TCP11L1: variants seen among roughly 807,000 people sequenced by gnomAD.
TCP11L1 encodes T-complex protein 11-like protein 1.
Under a neutral mutation model 48.9 loss-of-function variants are expected in TCP11L1, and 28 were observed. The observed-to-expected ratio is 0.57, with a 90% CI of 0.42 to 0.78. The LOEUF is 0.78. Among genes scored for constraint, TCP11L1 ranks in the 30% least tolerant of loss-of-function variants. The pLI is 0.00. For synonymous variants in TCP11L1, 204 were observed against 231.9 expected, an observed-to-expected ratio of 0.88 and a Z score of 1.09; for missense variants, 505 against 613.4, an observed-to-expected ratio of 0.82 and a Z score of 1.87.
At chr11:33,043,720 G>C (rs1853904899) in intron 1 of TCP11L1, 30 bp from the exon 2 acceptor site, 1 of 1,555,836 alleles carries the variant, frequency 6.4e-7, no homozygotes, top group East Asian at 2.3e-5. Flanking sequence ...AATACTTTTA[G>C]TTCTTTTTTT....
chr11:33,065,572 A>C (rs546289718), intron 7 of TCP11L1, among the ~76,000 whole-genome samples: 1 of 152,290 alleles, frequency 6.6e-6, no homozygotes, highest in South Asian at 2.1e-4. Flanking sequence ...CGGGGAGGTC[A>C]TGGTATTAAG....
intron 2 of TCP11L1, among the ~76,000 whole-genome samples, chr11:33,044,367 T>G (rs965220834): frequency 6.6e-6 from 1 of 152,208 alleles, no homozygotes; most frequent in Non-Finnish European, 1.5e-5. Flanking sequence ...TCCCACAAGC[T>G]TGAGGGGATT....
intron 9 of TCP11L1, among the ~76,000 whole-genome samples, chr11:33,070,507 GA>G (rs1259872262): frequency 6.6e-6 from 1 of 151,878 alleles, no homozygotes; most frequent in Non-Finnish European, 1.5e-5. Flanking sequence ...CCAACATGTA[GA>G]AACTCCGCCT....
At chr11:33,070,022 C>G (rs1270003413) in intron 9 of TCP11L1, among the ~76,000 whole-genome samples, 2 of 151,934 alleles carry the variant, frequency 1.3e-5, no homozygotes, top group African/African-American at 2.4e-5. Flanking sequence ...AGCCAGTTAC[C>G]GACAGATTGA....
chr11:33,043,190 G>T (rs1465895568), intron 1 of TCP11L1, among the ~76,000 whole-genome samples: 1 of 152,002 alleles, frequency 6.6e-6, no homozygotes, highest in Admixed American at 6.6e-5. Context: ...AGCTGAGATT[G>T]CCCCATTGCA....
At chr11:33,062,867 T>A (rs527635815) in intron 7 of TCP11L1, among the ~76,000 whole-genome samples, 27 of 152,376 alleles carry the variant, frequency 1.8e-4, no homozygotes, top group Middle Eastern at 3.4e-3. Context: ...CTGGGTTTTT[T>A]AAAATTTTTT....
chr11:33,062,146 T>C (rs956152353), intron 7 of TCP11L1, among the ~76,000 whole-genome samples: 3 of 152,212 alleles, frequency 2.0e-5, no homozygotes, highest in Non-Finnish European at 4.4e-5. Context: ...TATTCTGATA[T>C]AATTCATGTA....
At chr11:33,043,990 G>A (rs922995845) in intron 2 of TCP11L1, 54 bp downstream of exon 2, 24 of 1,504,144 alleles carry the variant, frequency 1.6e-5, no homozygotes, top group African/African-American at 1.4e-4. Flanking sequence ...TTCAGGTGAC[G>A]GTTTTATGAG....
Position 33,054,624 on chromosome 11 carries a change from A to C in TCP11L1, c.195A>C (p.Glu65Asp). 1 of 1,613,532 alleles carries C rather than the reference A, an allele frequency of 6.2e-7. No homozygotes were observed. The highest frequency in any genetic ancestry group is 8.5e-7 in the Non-Finnish European group (1 of 1,179,832). ...SSPPRFVTVE[E>D]LLETARGVTN... Reference sequence around the variant, plus strand: ...CTCCTCGCTTTGTGACAGTAGAAGAACTTCTAGAGACAGCGAGAGGTGTCA... The same window carrying C: ...CTCCTCGCTTTGTGACAGTAGAAGACCTTCTAGAGACAGCGAGAGGTGTCA... Residue 65 changes from glutamate to aspartate, a missense_variant, in exon 3 of 10, where the codon GAA becomes GAC. Glu to Asp is a conservative substitution (Grantham distance 45). Around this residue, in one of 3 missense-constraint regions of TCP11L1, gnomAD observed 168 missense variants for 183.5 expected, o/e 0.92. Transcript: ENST00000334274.
At chr11:33,049,287 G>GTGA (rs1854089037) in intron 2 of TCP11L1, among the ~76,000 whole-genome samples, 1 of 151,520 alleles carries the variant, frequency 6.6e-6, no homozygotes, top group South Asian at 2.1e-4. Context: ...AGGACTTGAT[G>GTGA]TGATGTATTT....
intron 7 of TCP11L1, among the ~76,000 whole-genome samples, chr11:33,063,145 G>C (rs956662290): frequency 2.0e-5 from 3 of 152,204 alleles, no homozygotes; most frequent in Non-Finnish European, 4.4e-5. Flanking sequence ...TTACAGGCAT[G>C]AGCTACCATG....
At chr11:33,053,914 C>G (rs2133712133) in intron 2 of TCP11L1, among the ~76,000 whole-genome samples, 2 of 152,252 alleles carry the variant, frequency 1.3e-5, no homozygotes, top group South Asian at 4.1e-4. Context: ...ACTGCAGGTT[C>G]AAGCGATCCT....
intron 8 of TCP11L1, among the ~76,000 whole-genome samples, 181 bp downstream of exon 8, chr11:33,066,192 A>G (rs967058856): frequency 7.9e-5 from 12 of 152,162 alleles, no homozygotes; most frequent in Non-Finnish European, 1.6e-4. Context: ...ATTTAGGGTC[A>G]TAGGGTCAAA....
chr11:33,068,704 A>G lies in TCP11L1; in HGVS notation c.1172A>G (p.Asp391Gly), dbSNP rs770432165. Residue 391 changes from aspartate to glycine, a missense_variant, in exon 9 of 10, where the codon GAC (aspartate) becomes GGC (glycine). This residue lies in a region of TCP11L1 where 335 missense variants were observed against 413.3 expected (regional missense o/e 0.81). Transcript: ENST00000334274. ...TGCCCCAGCTCCTTCCATCTGAAGGACGTCCTCACTACCATCGGGGAGAAG... is the reference window on the plus strand; with the variant it reads ...TGCCCCAGCTCCTTCCATCTGAAGGGCGTCCTCACTACCATCGGGGAGAAG... ...DMHLPSFHLK[D>G]VLTTIGEKVC... 11 of 1,613,828 alleles carry G rather than the reference A, an allele frequency of 6.8e-6. No individual in the cohort carries two copies. Among genetic ancestry groups the G allele is most frequent in the Non-Finnish European group, 9.3e-6 (11 of 1,179,934 alleles).
intron 4 of TCP11L1, 112 bp from the exon 5 acceptor site, chr11:33,057,807 G>A: frequency 1.2e-6 from 1 of 866,448 alleles, no homozygotes; most frequent in South Asian, 2.0e-5. Context: ...AGTAAAATAT[G>A]TGCAATATTA....
intron 2 of TCP11L1, among the ~76,000 whole-genome samples, chr11:33,049,693 C>T (rs1854101256): frequency 6.6e-6 from 1 of 152,214 alleles, no homozygotes; most frequent in Admixed American, 6.5e-5. Flanking sequence ...AGCACCTCAC[C>T]TCCAGCCCTA....
At chr11:33,047,956 G>A (rs1027477374) in intron 2 of TCP11L1, among the ~76,000 whole-genome samples, 1 of 152,088 alleles carries the variant, frequency 6.6e-6, no homozygotes, top group African/African-American at 2.4e-5. Context: ...AGGCATCTCA[G>A]GACACCTTAG....
At chr11:33,058,610 T>G (rs2133723962) in intron 5 of TCP11L1, among the ~76,000 whole-genome samples, 1 of 152,356 alleles carries the variant, frequency 6.6e-6, no homozygotes, top group East Asian at 1.9e-4. Context: ...CTCATAATTT[T>G]ACCTCTCAGA....
intron 2 of TCP11L1, among the ~76,000 whole-genome samples, chr11:33,051,720 A>G (rs1854166869): frequency 6.6e-6 from 1 of 151,986 alleles, no homozygotes; most frequent in South Asian, 2.1e-4. Context: ...CAGCCTCCCA[A>G]AGTACATGAG....
Sources: gnomAD v4.1 joint callset for allele counts (sites outside exome capture counted in the v4.1 genomes callset) on GRCh38, gnomAD v4.1.1 for gene constraint, gnomAD v4.1.1 regional missense constraint, MANE v1.5 for transcripts, NCBI Gene and HGNC (gene_info 2026-07-23, HGNC 2026-07-21) for gene names.